Variants in MAP4K4 observed in about 807,000 individuals in gnomAD.
MAP4K4 encodes the protein mitogen-activated protein kinase kinase kinase kinase 4.
Under a neutral mutation model 189.6 loss-of-function variants are expected in MAP4K4, and 38 were observed. That is an observed-to-expected ratio of 0.20 (90% confidence interval 0.15 to 0.26). The LOEUF (loss-of-function observed/expected upper bound fraction) is 0.26, where lower values mean the gene tolerates loss of function less well. Ranked by LOEUF, MAP4K4 falls within the 10% of genes least tolerant of loss-of-function variation. The probability of loss-of-function intolerance (pLI) is 1.00; values close to 1 mark genes in which losing one functional copy is unlikely to be tolerated. For missense variants in MAP4K4, 1,054 were observed against 1,726.9 expected (o/e 0.61, Z 6.91); for synonymous variants, 610 against 624.3 (o/e 0.98, Z 0.34).
chr2:101,713,614 G>T (rs2046821993), intron 2 of MAP4K4, among the ~76,000 whole-genome samples: 1 of 131,262 alleles, frequency 7.6e-6, no homozygotes, highest in Non-Finnish European at 1.6e-5. Context: ...AAAAAAAAAT[G>T]CTGGGTGCGA....
At chr2:101,879,195 C>CAA (rs61482872) in intron 27 of MAP4K4, among the ~76,000 whole-genome samples, 43 of 67,384 alleles carry the variant, frequency 6.4e-4, no homozygotes, top group South Asian at 1.3e-3. Flanking sequence ...AGCCTGTCTC[C>CAA]AAAAAAAAAA....
At chr2:101,820,052 G>A (rs2095950128) in intron 3 of MAP4K4, among the ~76,000 whole-genome samples, 1 of 152,224 alleles carries the variant, frequency 6.6e-6, no homozygotes, top group Middle Eastern at 3.2e-3. Flanking sequence ...TCAGTGAACT[G>A]TGAAAATATC....
At chr2:101,727,781 C>T (rs1432309467) in intron 2 of MAP4K4, among the ~76,000 whole-genome samples, 1 of 152,144 alleles carries the variant, frequency 6.6e-6, no homozygotes, top group Non-Finnish European at 1.5e-5. Flanking sequence ...CCAGCCTGGC[C>T]AACATGGTGA....
chr2:101,809,978 A>G (rs1003164576), intron 3 of MAP4K4, among the ~76,000 whole-genome samples: 2 of 152,242 alleles, frequency 1.3e-5, no homozygotes, highest in African/African-American at 2.4e-5. Flanking sequence ...AAAGCCCAAC[A>G]TGATTTTCTA....
chr2:101,797,527 T>G (rs970427337), intron 3 of MAP4K4: 1 of 604,978 alleles, frequency 1.7e-6, no homozygotes, highest in Non-Finnish European at 2.5e-6. Flanking sequence ...CTAAATTTCC[T>G]CGTCTTGTAT....
chr2:101,727,383 ATACTAT>A (rs2056054091), intron 2 of MAP4K4, among the ~76,000 whole-genome samples: 2 of 152,346 alleles, frequency 1.3e-5, no homozygotes, highest in East Asian at 1.9e-4. Flanking sequence ...ATTTCCACAA[ATACTAT>A]TAATATAATC....
intron 2 of MAP4K4, among the ~76,000 whole-genome samples, chr2:101,770,852 C>G (rs886861289): frequency 3.9e-5 from 6 of 152,120 alleles, no homozygotes; most frequent in Admixed American, 2.0e-4. Flanking sequence ...AGACAACTGT[C>G]ACCAGATGGC....
At chr2:101,873,800 T>G in intron 25 of MAP4K4, 36 bp downstream of exon 25, 1 of 1,435,180 alleles carries the variant, frequency 7.0e-7, no homozygotes. Context: ...AGCTGACAAA[T>G]GGGACTTTAT....
At chr2:101,873,788 G>A in intron 25 of MAP4K4, 24 bp downstream of exon 25, 1 of 1,502,384 alleles carries the variant, frequency 6.7e-7, no homozygotes, top group Non-Finnish European at 9.2e-7. Flanking sequence ...CAACAAGAAA[G>A]CAGCTGACAA....
At chr2:101,744,699 G>T (rs2064402993) in intron 2 of MAP4K4, among the ~76,000 whole-genome samples, 1 of 152,042 alleles carries the variant, frequency 6.6e-6, no homozygotes, top group South Asian at 2.1e-4. Flanking sequence ...CTCTTCCCTC[G>T]CTTGAAGACA....
In MAP4K4 at chr2:101,835,962, C is replaced by A. The variant is rs756472521; in HGVS notation, c.757C>A (p.Leu253Met). 1.4e-5 allele frequency: 22 copies of A among 1,613,018 alleles called. No individual in the cohort carries two copies. The Admixed American group carries it at 3.7e-4, about 27-fold the overall frequency. ...CATTCCCAGAAACCCTCCTCCCCGG[C>A]TGAAGTCAAAAAAATGGTAAGCTAT... is the stretch of plus-strand genomic sequence containing the variant. Residue 253 changes from leucine to methionine, a missense_variant, in exon 9 of 33, where the codon CTG (leucine) becomes ATG (methionine). Coordinates refer to ENST00000324219, the Ensembl canonical transcript of MAP4K4.
At chr2:101,882,729 T>G in intron 28 of MAP4K4, 44 bp downstream of exon 28, 1 of 1,470,438 alleles carries the variant, frequency 6.8e-7, no homozygotes. Flanking sequence ...AGAGTTTGAT[T>G]AGAGTTTGAA....
intron 2 of MAP4K4, among the ~76,000 whole-genome samples, chr2:101,710,223 G>T (rs1028944928): frequency 1.3e-5 from 2 of 152,170 alleles, no homozygotes; most frequent in African/African-American, 4.8e-5. Flanking sequence ...CAATTCACTG[G>T]GTGTATTCAT....
chr2:101,871,220 T>C (rs956671913), intron 23 of MAP4K4, among the ~76,000 whole-genome samples: 2 of 152,050 alleles, frequency 1.3e-5, no homozygotes, highest in Admixed American at 1.3e-4. Flanking sequence ...AAAAGGATAC[T>C]GGTTTTGGTA....
chr2:101,791,312 G>A (rs910893176), intron 3 of MAP4K4, among the ~76,000 whole-genome samples: 2 of 152,064 alleles, frequency 1.3e-5, no homozygotes, highest in East Asian at 1.9e-4. Context: ...TGAAATGGTC[G>A]CATGAGGATT....
chr2:101,749,196 T>C (rs1484448006), intron 2 of MAP4K4, among the ~76,000 whole-genome samples: 6 of 151,184 alleles, frequency 4.0e-5, no homozygotes, highest in East Asian at 3.9e-4. Context: ...GAGCCTGCAT[T>C]GCCAAGTCAA....
intron 3 of MAP4K4, among the ~76,000 whole-genome samples, chr2:101,823,564 G>T (rs944279576): frequency 3.3e-5 from 5 of 152,186 alleles, no homozygotes; most frequent in African/African-American, 1.2e-4. Flanking sequence ...AGTTCAAATA[G>T]TATCAGTCAT....
rs1370223169 is a variant in MAP4K4 at position 101,889,010 on chromosome 2, AT to A, written c.4071+77del. ...GGCTTGTTTTCCATGGAGTTTGATGATTAATTTCCTTGGAGTTTTGATAAAA... is the reference window on the plus strand; with the variant it reads ...GGCTTGTTTTCCATGGAGTTTGATGATAATTTCCTTGGAGTTTTGATAAAA... On this transcript the variant is annotated intron_variant, in intron 32 of 32. Coordinates refer to ENST00000324219, the Ensembl canonical transcript of MAP4K4. 3.1e-6 allele frequency: 4 copies of A among 1,274,776 alleles called. No homozygotes were observed. The African/African-American group carries it at 6.0e-5, about 19-fold the overall frequency. 79.0% of individuals were successfully genotyped at this position (1,274,776 alleles called of 1,614,324 possible).
intron 2 of MAP4K4, among the ~76,000 whole-genome samples, chr2:101,721,582 C>G (rs1369000665): frequency 6.6e-6 from 1 of 151,994 alleles, no homozygotes; most frequent in African/African-American, 2.4e-5. Flanking sequence ...TTTACAGGCT[C>G]ACGCCACCAT....
Sources: allele counts gnomAD v4.1 joint callset (sites outside exome capture counted in the v4.1 genomes callset), GRCh38; gene constraint gnomAD v4.1.1; transcripts MANE v1.5; gene names NCBI Gene and HGNC (gene_info 2026-07-23, HGNC 2026-07-21).